RUNX1T1: variants seen among roughly 807,000 people sequenced by gnomAD.
The protein encoded by RUNX1T1 is protein CBFA2T1.
In RUNX1T1, 4 loss-of-function variants were observed where a neutral mutation model predicts 62.8. The ratio of observed to expected loss-of-function variants is 0.06; its 90% CI spans 0.03 to 0.15. RUNX1T1 has a LOEUF of 0.15. Ranked by LOEUF, RUNX1T1 falls within the 10% of genes least tolerant of loss-of-function variation. The pLI is 1.00. For synonymous variants in RUNX1T1, 291 were observed against 286.0 expected (o/e 1.02, Z -0.18); for missense variants, 508 against 754.3 (o/e 0.67, Z 3.82).
chr8:92,011,025 G>A, exon 4 of RUNX1T1: 1 of 1,605,866 alleles, frequency 6.2e-7, no homozygotes, highest in Non-Finnish European at 8.5e-7. Context: ...ATGACAAAAG[G>A]TCTCAGTGGG....
upstream of RUNX1T1, among the ~76,000 whole-genome samples, chr8:92,067,366 A>G (rs1833023276): frequency 6.6e-6 from 1 of 152,172 alleles, no homozygotes; most frequent in African/African-American, 2.4e-5. Context: ...GCAGGCTGAG[A>G]GCTAGAAGTC....
chr8:92,087,861 A>C (rs746806673), intron 1 of RUNX1T1, among the ~76,000 whole-genome samples: 3 of 152,138 alleles, frequency 2.0e-5, no homozygotes, highest in Non-Finnish European at 4.4e-5. Flanking sequence ...CTCTTCACCT[A>C]TATTTTCCTC....
At chr8:92,079,607 GC>G (rs1048904885) in intron 1 of RUNX1T1, among the ~76,000 whole-genome samples, 16 of 152,158 alleles carry the variant, frequency 1.1e-4, no homozygotes, top group Middle Eastern at 3.2e-3. Flanking sequence ...GCTTCCTTAA[GC>G]TTCCATGCAT....
chr8:92,068,026 G>T (rs1465576432), intron 2 of RUNX1T1, among the ~76,000 whole-genome samples: 2 of 151,678 alleles, frequency 1.3e-5, no homozygotes, highest in South Asian at 2.1e-4. Context: ...ACTAGCAAGG[G>T]GTTAAATTAT....
At chr8:92,072,484 T>C (rs1482773250) in intron 2 of RUNX1T1, among the ~76,000 whole-genome samples, 2 of 151,948 alleles carry the variant, frequency 1.3e-5, no homozygotes, top group East Asian at 1.9e-4. Context: ...ATAAATGATA[T>C]ACTCTTCTTT....
intron 1 of RUNX1T1, among the ~76,000 whole-genome samples, chr8:92,098,462 G>A (rs1199549465): frequency 6.6e-6 from 1 of 152,140 alleles, no homozygotes; most frequent in Non-Finnish European, 1.5e-5. Flanking sequence ...TATTCTTAAT[G>A]TTTAAGCTGC....
chr8:91,983,721 C>T (rs1024848627), intron 8 of RUNX1T1, among the ~76,000 whole-genome samples: 1 of 152,166 alleles, frequency 6.6e-6, no homozygotes, highest in African/African-American at 2.4e-5. Flanking sequence ...CCTTTCATTA[C>T]ACACATCAAT....
At chr8:92,084,798 AG>A (rs1835844606) in intron 1 of RUNX1T1, among the ~76,000 whole-genome samples, 2 of 152,166 alleles carry the variant, frequency 1.3e-5, no homozygotes, top group African/African-American at 2.4e-5. Flanking sequence ...AGGGTTTTAG[AG>A]AAGGCTGAGA....
intron 1 of RUNX1T1, among the ~76,000 whole-genome samples, chr8:92,086,409 G>A (rs1836125777): frequency 1.3e-5 from 2 of 152,232 alleles, no homozygotes; most frequent in African/African-American, 4.8e-5. Context: ...GAGGGCACCT[G>A]CAAAAGAGAA....
intron 5 of RUNX1T1, among the ~76,000 whole-genome samples, chr8:91,996,427 T>C (rs1383404357): frequency 1.3e-5 from 2 of 152,132 alleles, no homozygotes; most frequent in Non-Finnish European, 2.9e-5. Flanking sequence ...GGTCTCGATA[T>C]CCTGACCTCG....
chr8:92,098,075 A>G (rs1038925265), intron 1 of RUNX1T1, among the ~76,000 whole-genome samples: 2 of 152,234 alleles, frequency 1.3e-5, no homozygotes, highest in East Asian at 1.9e-4. Context: ...CCCCAGGCAG[A>G]TAAGTTTTGA....
chr8:91,970,954 G>T, intron 9 of RUNX1T1, 106 bp from the exon 11 acceptor site: 2 of 917,574 alleles, frequency 2.2e-6, no homozygotes, highest in Non-Finnish European at 3.0e-6. Context: ...TTCCGAGGCT[G>T]GTCTCGAACC....
At position 92,047,004 on chromosome 8, in the gene RUNX1T1, G is replaced by T. The variant is rs186519816; in HGVS notation, c.7+15542C>A. On this transcript the variant is annotated intron_variant, in intron 1 of 10. Transcript: ENST00000396218. The stretch of plus-strand genomic sequence containing the variant: ...CATCTGATTTTATGACATTATGCAG[G>T]GAAGAATAAGAATATACTCAACCAA... Among the ~76,000 whole-genome samples the T allele has an allele frequency of 8.5e-4, 129 of 152,210 alleles. 1 individual carries two copies. Among genetic ancestry groups the T allele is most frequent in the Non-Finnish European group, 1.5e-4 (10 of 68,014 alleles).
chr8:92,042,439 G>A (rs568539364), intron 1 of RUNX1T1, among the ~76,000 whole-genome samples: 34 of 152,224 alleles, frequency 2.2e-4, no homozygotes, highest in Non-Finnish European at 4.6e-4. Flanking sequence ...TCGGCCTTCT[G>A]ACCGACTGGC....
chr8:91,966,080 C>T (rs138225431), intron 10 of RUNX1T1, among the ~76,000 whole-genome samples: 41 of 149,986 alleles, frequency 2.7e-4, no homozygotes, highest in African/African-American at 7.4e-4. Flanking sequence ...ATACCATGAA[C>T]ATCTACGGAA....
intron 5 of RUNX1T1, among the ~76,000 whole-genome samples, chr8:91,994,067 A>C (rs1386453554): frequency 6.6e-6 from 1 of 152,180 alleles, no homozygotes; most frequent in Non-Finnish European, 1.5e-5. Flanking sequence ...TGCCCACTAC[A>C]TACTAAGAGG....
chr8:92,029,818 A>T (rs1825907484), intron 1 of RUNX1T1, among the ~76,000 whole-genome samples: 1 of 152,276 alleles, frequency 6.6e-6, no homozygotes, highest in East Asian at 1.9e-4. Flanking sequence ...ATTTTTTTTA[A>T]AAAAAGCATT....
chr8:92,000,653 A>C (rs1819583481), intron 5 of RUNX1T1, among the ~76,000 whole-genome samples: 1 of 152,230 alleles, frequency 6.6e-6, no homozygotes, highest in African/African-American at 2.4e-5. Context: ...TACTGTCATA[A>C]CAAATCTCAC....
At chr8:92,102,777 C>A, upstream of RUNX1T1, 2 of 1,361,778 alleles carry the variant, frequency 1.5e-6, no homozygotes, top group South Asian at 2.9e-5. The surrounding 1 kb of genome is among the most constrained non-coding windows in gnomAD (Gnocchi z 4.5). Flanking sequence ...AGATGACGGT[C>A]ATCGGAACAG....
Sources: allele counts gnomAD v4.1 joint callset (sites outside exome capture counted in the v4.1 genomes callset), GRCh38; gene constraint gnomAD v4.1.1; non-coding constraint Gnocchi (gnomAD v3.1); transcripts MANE v1.5; gene names NCBI Gene and HGNC (gene_info 2026-07-23, HGNC 2026-07-21).